PTPRQ: variants seen among roughly 807,000 people sequenced by gnomAD.
The protein encoded by PTPRQ is phosphatidylinositol phosphatase PTPRQ.
A neutral mutation model predicts 246.0 loss-of-function variants in PTPRQ; 199 were observed. The ratio of observed to expected loss-of-function variants is 0.81; its 90% confidence interval spans 0.72 to 0.91. PTPRQ has a LOEUF of 0.91. Ranked by LOEUF, PTPRQ falls within the 40% of genes least tolerant of loss-of-function variation. PTPRQ has a pLI of 0.00. For missense variants in PTPRQ, 2,624 were observed against 2,528.4 expected, an observed-to-expected ratio of 1.04 and a Z score of -0.81; for synonymous variants, 869 against 853.2, an observed-to-expected ratio of 1.02 and a Z score of -0.32.
intron 30 of PTPRQ, among the ~76,000 whole-genome samples, chr12:80,618,665 GA>G (rs1461191313): frequency 2.6e-5 from 4 of 151,436 alleles, no homozygotes; most frequent in Non-Finnish European, 5.9e-5. Flanking sequence ...AAAACTGGAG[GA>G]AAAGTGAATT....
chr12:80,530,574 T>TA (rs557810183), intron 17 of PTPRQ, among the ~76,000 whole-genome samples: 18 of 152,164 alleles, frequency 1.2e-4, no homozygotes, highest in Admixed American at 2.6e-4. Context: ...AAATGAAATA[T>TA]AAAAAACCAT....
chr12:80,630,875 C>A (rs959584893), intron 33 of PTPRQ, among the ~76,000 whole-genome samples: 2 of 152,078 alleles, frequency 1.3e-5, no homozygotes, highest in African/African-American at 4.8e-5. Flanking sequence ...TGCCACCACG[C>A]CCAGCTAATT....
intron 3 of PTPRQ, among the ~76,000 whole-genome samples, chr12:80,449,631 G>A (rs1046538006): frequency 5.7e-4 from 86 of 151,574 alleles, no homozygotes; most frequent in Middle Eastern, 6.9e-3. Context: ...ATTAAATAGG[G>A]AATCCCTTCC....
intron 35 of PTPRQ, among the ~76,000 whole-genome samples, chr12:80,645,844 G>A (rs973393732): frequency 6.6e-6 from 1 of 152,076 alleles, no homozygotes; most frequent in African/African-American, 2.4e-5. Context: ...AGTGCAAACA[G>A]GATGCATGAA....
intron 17 of PTPRQ, among the ~76,000 whole-genome samples, chr12:80,521,903 G>T (rs1456489594): frequency 6.6e-6 from 1 of 152,160 alleles, no homozygotes; most frequent in African/African-American, 2.4e-5. Flanking sequence ...TGTGAAGAAA[G>T]TCATTGCTAG....
intron 33 of PTPRQ, among the ~76,000 whole-genome samples, chr12:80,628,525 T>G (rs1275427191): frequency 6.6e-6 from 1 of 152,216 alleles, no homozygotes; most frequent in Non-Finnish European, 1.5e-5. Flanking sequence ...TTAGTAGTTG[T>G]GCTTAATAAT....
intron 16 of PTPRQ, among the ~76,000 whole-genome samples, chr12:80,507,945 C>A (rs1895012797): frequency 6.6e-6 from 1 of 152,022 alleles, no homozygotes; most frequent in East Asian, 1.9e-4. Context: ...GAAAATAGTA[C>A]CCACTTCTTT....
chr12:80,444,523 T>C (rs1592506530), intron 1 of PTPRQ, 124 bp downstream of exon 1: 1 of 720,456 alleles, frequency 1.4e-6, no homozygotes. Context: ...TAGGCTGTGA[T>C]AACGCAGTAC....
chr12:80,599,951 T>C (rs1163263539), intron 26 of PTPRQ, among the ~76,000 whole-genome samples: 4 of 151,732 alleles, frequency 2.6e-5, no homozygotes, highest in African/African-American at 9.7e-5. Context: ...GTTGACAAAA[T>C]ACATTCTGAA....
rs1592778767 is a variant in PTPRQ at position 80,668,964 on chromosome 12, C to T, written c.6193-43C>T. On this transcript the variant is annotated intron_variant, in intron 39 of 44. Coordinates refer to ENST00000644991, the MANE Select transcript of PTPRQ (RefSeq NM_001145026.2). Reference sequence around the variant, plus strand: ...TTGATCGAAAACTAAAACACTGTATCTGTGAACACAGTGATGCAGTGTTTG... The same window carrying T: ...TTGATCGAAAACTAAAACACTGTATTTGTGAACACAGTGATGCAGTGTTTG... 3 of 1,511,592 alleles carry T rather than the reference C, an allele frequency of 2.0e-6. No individual in the cohort carries two copies. In the East Asian group the frequency reaches 7.4e-5, roughly 38 times the overall value. The allele number at this position is 1,511,592 out of a possible 1,614,324, so 93.6% of individuals were successfully genotyped here. A position where few individuals can be genotyped will look rare whatever the true frequency, so the allele number is the denominator to read the frequency against.
At chr12:80,527,448 G>C (rs541794144) in intron 17 of PTPRQ, among the ~76,000 whole-genome samples, 10 of 151,894 alleles carry the variant, frequency 6.6e-5, no homozygotes, top group Admixed American at 3.9e-4. Flanking sequence ...CTCTCCCTTT[G>C]TACAAAATTG....
At chr12:80,606,734 A>G (rs1003647054) in intron 27 of PTPRQ, among the ~76,000 whole-genome samples, 11 of 150,946 alleles carry the variant, frequency 7.3e-5, no homozygotes, top group African/African-American at 2.4e-4. Context: ...AATAAAATTG[A>G]AAGAATTGTT....
At position 80,655,387 on chromosome 12, in the gene PTPRQ, C is replaced by T. The variant is rs535381264; in HGVS notation, c.6115+2553C>T. Among the ~76,000 whole-genome samples, 10 of 152,216 alleles carry T rather than the reference C, an allele frequency of 6.6e-5. No individual in the cohort carries two copies. The Middle Eastern group carries it at 0.01, about 155-fold the overall frequency. ...AAACATTCAAAATATTAGTTCTTAT[C>T]TTATTGGTTAATAGATCATTTCCTT... On this transcript the variant is annotated intron_variant, in intron 38 of 44. Coordinates refer to ENST00000644991, the MANE Select transcript of PTPRQ (RefSeq NM_001145026.2).
intron 7 of PTPRQ, among the ~76,000 whole-genome samples, chr12:80,469,415 GAGGATCAAGTATTATATCATT>G (rs1403782629): frequency 1.3e-5 from 2 of 152,158 alleles, no homozygotes; most frequent in Non-Finnish European, 2.9e-5. Context: ...GATACTTTGA[GAGGATCAAGTATTATATCATT>G]AGGATCAAGT....
At chr12:80,572,922 G>A (rs1045202486) in intron 25 of PTPRQ, among the ~76,000 whole-genome samples, 40 of 152,034 alleles carry the variant, frequency 2.6e-4, no homozygotes, top group African/African-American at 9.4e-4. Context: ...GCTTAAGATT[G>A]TTGTATTTTT....
chr12:80,449,552 A>G (rs1369299297), intron 3 of PTPRQ, among the ~76,000 whole-genome samples: 4 of 152,116 alleles, frequency 2.6e-5, no homozygotes, highest in African/African-American at 9.6e-5. Context: ...TGATTTTTGT[A>G]TAAGGTGTAA....
At chr12:80,498,787 A>G (rs1894706197) in intron 14 of PTPRQ, among the ~76,000 whole-genome samples, 1 of 152,086 alleles carries the variant, frequency 6.6e-6, no homozygotes, top group East Asian at 1.9e-4. Flanking sequence ...CTTATCAAGT[A>G]TTTCGTTTAA....
At chr12:80,455,586 A>G (rs1343854654) in intron 3 of PTPRQ, among the ~76,000 whole-genome samples, 3 of 111,450 alleles carry the variant, frequency 2.7e-5, no homozygotes, top group Non-Finnish European at 5.1e-5. Flanking sequence ...CTCGTCCTTT[A>G]CATAGTTGTT....
chr12:80,677,212 G>A (rs1901172279), intron 43 of PTPRQ, among the ~76,000 whole-genome samples: 1 of 152,112 alleles, frequency 6.6e-6, no homozygotes, highest in South Asian at 2.1e-4. Flanking sequence ...AAATTTAAAT[G>A]ATTTCCAAAA....
Sources: allele counts gnomAD v4.1 joint callset (sites outside exome capture counted in the v4.1 genomes callset), GRCh38; gene constraint gnomAD v4.1.1; transcripts MANE v1.5; gene names NCBI Gene and HGNC (gene_info 2026-07-23, HGNC 2026-07-21).